Variants in CEP43 observed in about 807,000 individuals in gnomAD.
CEP43 encodes centrosomal protein 43.
In CEP43, 36 loss-of-function variants were observed where a neutral mutation model predicts 52.6. That is an observed-to-expected ratio of 0.68 (90% confidence interval 0.52 to 0.90). The LOEUF (loss-of-function observed/expected upper bound fraction) is 0.90, where lower values mean the gene tolerates loss of function less well. Ranked by LOEUF, CEP43 falls within the 40% of genes least tolerant of loss-of-function variation. The probability of loss-of-function intolerance (pLI) is 0.00; values close to 1 mark genes in which losing one functional copy is unlikely to be tolerated. For synonymous variants in CEP43, 192 were observed against 172.4 expected (o/e 1.11, Z -0.89); for missense variants, 506 against 472.8 (o/e 1.07, Z -0.65).
chr6:167,041,868 G>A lies in CEP43; in HGVS notation c.*1890G>A. On this transcript the variant is annotated 3_prime_UTR_variant, in exon 13 of 13. Coordinates refer to ENST00000366847, the MANE Select transcript of CEP43 (RefSeq NM_007045.4). ...GGACAGAGTCTCACTGTGTCACTCA[G>A]ACTGGAGTACAGTGATGCGATCTCG... is the stretch of plus-strand genomic sequence containing the variant. The A allele has an allele frequency of 1.1e-6, 1 of 914,550 alleles. No homozygotes were observed. The highest frequency in any genetic ancestry group is 1.3e-6 in the Non-Finnish European group (1 of 757,294). The allele number at this position is 914,550 out of a possible 1,614,324, so 56.7% of individuals were successfully genotyped here.
At chr6:167,019,661 A>G (rs1406493694) in intron 7 of CEP43, among the ~76,000 whole-genome samples, 1 of 152,208 alleles carries the variant, frequency 6.6e-6, no homozygotes, top group Non-Finnish European at 1.5e-5. Flanking sequence ...TGTTATGTTT[A>G]CAAGTATGTG....
intron 12 of CEP43, chr6:167,036,079 G>A (rs565700450): frequency 1.0e-6 from 1 of 985,082 alleles, no homozygotes; most frequent in East Asian, 1.1e-4. Context: ...AATTTATGCA[G>A]GATCAGAGAG....
At position 167,046,673 on chromosome 6, in the gene CEP43, G is replaced by A. The variant is rs527680540; in HGVS notation, c.*6695G>A. 6 of 152,432 alleles carry A rather than the reference G, an allele frequency of 3.9e-5. No individual in the cohort carries two copies. Among genetic ancestry groups the A allele is most frequent in the South Asian group, 4.1e-4 (2 of 4,832 alleles). 9.4% of individuals were successfully genotyped at this position (152,432 alleles called of 1,614,324 possible). A position where few individuals can be genotyped will look rare whatever the true frequency, so the allele number is the denominator to read the frequency against. On this transcript the variant is annotated 3_prime_UTR_variant, in exon 13 of 13. Transcript: ENST00000366847. ...ACATCCCTTTTCAGTGAAGGGCTTT[G>A]TTGGCTGCTGTGGGCATTCTCATGG...
At chr6:167,014,006 A>T (rs1780040120) in intron 7 of CEP43, among the ~76,000 whole-genome samples, 1 of 152,236 alleles carries the variant, frequency 6.6e-6, no homozygotes, top group Admixed American at 6.5e-5. Flanking sequence ...CATGAAATAA[A>T]AAGTAAATTT....
intron 1 of CEP43, 122 bp from the exon 2 acceptor site, chr6:166,999,938 C>A: frequency 1.3e-6 from 1 of 759,108 alleles, no homozygotes; most frequent in Non-Finnish European, 2.2e-6. Context: ...GAAGGCGTTT[C>A]TGACCTTTGC....
chr6:166,999,612 G>T, intron 1 of CEP43, 98 bp downstream of exon 1: 3 of 905,172 alleles, frequency 3.3e-6, no homozygotes, highest in Non-Finnish European at 4.6e-6. Context: ...CCTCCCTGGC[G>T]AGGGACCGGG....
chr6:167,013,846 G>A lies in CEP43; in HGVS notation c.579+279G>A, dbSNP rs151152251. 4.1e-4 allele frequency among the ~76,000 whole-genome samples: 63 copies of A among 152,302 alleles called. 1 individual carries two copies. The East Asian group carries it at 5.4e-3, about 13-fold the overall frequency. On this transcript the variant is annotated intron_variant, in intron 7 of 12. Coordinates refer to ENST00000366847, the MANE Select transcript of CEP43 (RefSeq NM_007045.4). Reference sequence around the variant, plus strand: ...AAATTAGCCGGCCGTGGTGGTGTGCGCCTGTAATCCCAGCTACTTGGGAGG... The same window carrying A: ...AAATTAGCCGGCCGTGGTGGTGTGCACCTGTAATCCCAGCTACTTGGGAGG...
intron 12 of CEP43, among the ~76,000 whole-genome samples, chr6:167,034,698 A>G (rs1453884693): frequency 1.3e-5 from 2 of 152,232 alleles, no homozygotes; most frequent in African/African-American, 2.4e-5. Flanking sequence ...TTACAATGCA[A>G]CCACACAATC....
chr6:167,004,807 T>C (rs1263806485), intron 5 of CEP43, among the ~76,000 whole-genome samples: 1 of 152,240 alleles, frequency 6.6e-6, no homozygotes, highest in East Asian at 1.9e-4. Context: ...TATTAAAACA[T>C]CTTATTTAAA....
chr6:167,026,058 T>G (rs77732268), intron 9 of CEP43, among the ~76,000 whole-genome samples: 3,088 of 152,280 alleles, frequency 0.02, 53 homozygotes, highest in East Asian at 0.092. Flanking sequence ...TAAAGTAGTA[T>G]TGTTTATGGT....
In CEP43 at chr6:167,047,973, CTG is replaced by C. The variant is rs1220184718; in HGVS notation, c.*7998_*7999del. 1 of 152,196 alleles carries C rather than the reference CTG, an allele frequency of 6.6e-6. No individual in the cohort carries two copies. Among genetic ancestry groups the C allele is most frequent in the African/African-American group, 2.4e-5 (1 of 41,444 alleles). The allele number at this position is 152,196 out of a possible 1,614,324, so 9.4% of individuals were successfully genotyped here. The stretch of plus-strand genomic sequence containing the variant: ...ACAACAATTCTTAGTATACCACAGA[CTG>C]TGGTGCCTAGGAATAACAGACAAGC... On this transcript the variant is annotated 3_prime_UTR_variant, in exon 13 of 13. Coordinates refer to ENST00000366847, the MANE Select transcript of CEP43 (RefSeq NM_007045.4).
At chr6:167,034,438 A>G (rs1160342008) in intron 12 of CEP43, among the ~76,000 whole-genome samples, 1 of 152,244 alleles carries the variant, frequency 6.6e-6, no homozygotes, top group Non-Finnish European at 1.5e-5. Flanking sequence ...CCATAAAGTT[A>G]GAGTCCGTAT....
At chr6:167,013,485 T>A (rs1323859568) in intron 6 of CEP43, 23 bp from the exon 7 acceptor site, 1 of 1,590,460 alleles carries the variant, frequency 6.3e-7, no homozygotes, top group Non-Finnish European at 8.6e-7. Flanking sequence ...TGTGGTAAAA[T>A]CTCATTTTAT....
rs188073162 is a variant in CEP43, at chr6:167,047,086, T to C, written c.*7108T>C. The C allele has an allele frequency of 4.6e-5, 7 of 152,444 alleles. No individual in the cohort carries two copies. The East Asian group carries it at 1.3e-3, about 29-fold the overall frequency. 9.4% of individuals were successfully genotyped at this position (152,444 alleles called of 1,614,324 possible). A position where few individuals can be genotyped will look rare whatever the true frequency, so the allele number is the denominator to read the frequency against. On this transcript the variant is annotated 3_prime_UTR_variant, in exon 13 of 13. Transcript: ENST00000366847. ...AAACCTGGCTGGGAGAATGCCTGTG[T>C]GCTCTGCATGGGGATGTAAAGGTGT...
At chr6:167,028,157 T>C in intron 10 of CEP43, 1 of 985,458 alleles carries the variant, frequency 1.0e-6, no homozygotes, top group Non-Finnish European at 1.2e-6. Context: ...GTGTTCTGTT[T>C]TTTTCACTTT....
At position 167,046,956 on chromosome 6, in the gene CEP43, C is replaced by T. The variant is rs921221707; in HGVS notation, c.*6978C>T. On this transcript the variant is annotated 3_prime_UTR_variant, in exon 13 of 13. Transcript: ENST00000366847. ...CTCAATCTCTGGGGGTCAGAGTCCA[C>T]TTCCTGGGGAGCCCAATCTGTGACC... 20 of 152,242 alleles carry T rather than the reference C, an allele frequency of 1.3e-4. No homozygotes were observed. The highest frequency in any genetic ancestry group is 4.8e-4 in the African/African-American group (20 of 41,448). The allele number at this position is 152,242 out of a possible 1,614,324, so 9.4% of individuals were successfully genotyped here.
At chr6:167,009,557 C>T (rs1387809611) in intron 5 of CEP43, among the ~76,000 whole-genome samples, 1 of 139,702 alleles carries the variant, frequency 7.2e-6, no homozygotes, top group East Asian at 2.1e-4. Context: ...GCGTGGTACT[C>T]GGGAGGTTGA....
At chr6:167,019,350 A>G (rs1397696114) in intron 7 of CEP43, among the ~76,000 whole-genome samples, 2 of 152,140 alleles carry the variant, frequency 1.3e-5, no homozygotes, top group Non-Finnish European at 2.9e-5. Flanking sequence ...TGGAGGAGCC[A>G]CTGAAACTGC....
rs546498732 is a variant in CEP43, at chr6:167,022,952, G to A, written c.806+317G>A. 2.6e-5 allele frequency among the ~76,000 whole-genome samples: 4 copies of A among 152,246 alleles called. No homozygotes were observed. In the South Asian group the frequency reaches 8.3e-4, roughly 32 times the overall value. ...GCTCATGCTCTGGTGACAGAGTCAG[G>A]CAATGAGGGTTATGCTGCAGTGTGT... On this transcript the variant is annotated intron_variant, in intron 8 of 12. Coordinates refer to ENST00000366847, the MANE Select transcript of CEP43 (RefSeq NM_007045.4).
Sources: allele counts gnomAD v4.1 joint callset (sites outside exome capture counted in the v4.1 genomes callset), GRCh38; gene constraint gnomAD v4.1.1; transcripts MANE v1.5; gene names NCBI Gene and HGNC (gene_info 2026-07-23, HGNC 2026-07-21).